ERICH6B: variants seen among roughly 807,000 people sequenced by gnomAD.
ERICH6B encodes the protein glutamate-rich protein 6B.
In ERICH6B, 69 loss-of-function variants were observed where a neutral mutation model predicts 80.0. The observed-to-expected ratio is 0.86, with a 90% CI of 0.71 to 1.05. The LOEUF is 1.05. ERICH6B is among the 50% of genes least tolerant of loss of function. The pLI is 0.00. For synonymous variants in ERICH6B, 283 were observed against 291.9 expected (o/e 0.97, Z 0.31); for missense variants, 754 against 796.1 (o/e 0.95, Z 0.64).
chr13:45,590,844 C>G (rs1425092872), intron 3 of ERICH6B, 147 bp from the exon 4 acceptor site: 8 of 597,808 alleles, frequency 1.3e-5, no homozygotes, highest in Non-Finnish European at 1.9e-5. Context: ...TTAATGGTTT[C>G]CTTTAAAAAT....
intron 14 of ERICH6B, among the ~76,000 whole-genome samples, chr13:45,543,291 G>T (rs1873861575): frequency 6.6e-6 from 1 of 152,164 alleles, no homozygotes; most frequent in South Asian, 2.1e-4. Context: ...AGCTCTGGGG[G>T]TCCAGCCTCA....
chr13:45,574,768 G>A (rs1875309064), intron 8 of ERICH6B, 74 bp downstream of exon 8: 11 of 1,173,310 alleles, frequency 9.4e-6, no homozygotes, highest in Non-Finnish European at 1.4e-5. Context: ...CAGCCAGCTT[G>A]CCTGGGCTAG....
At chr13:45,568,548 T>A in intron 8 of ERICH6B, 97 bp from the exon 9 acceptor site, 1 of 1,171,572 alleles carries the variant, frequency 8.5e-7, no homozygotes, top group Non-Finnish European at 1.2e-6. Context: ...GTGTGACACT[T>A]CAACATATTA....
intron 1 of ERICH6B, among the ~76,000 whole-genome samples, chr13:45,612,475 A>G (rs374222890): frequency 6.6e-6 from 1 of 152,214 alleles, no homozygotes; most frequent in African/African-American, 2.4e-5. Context: ...GTAAGGGGAG[A>G]TGATGGGGAG....
chr13:45,571,755 C>T (rs1290211974), intron 8 of ERICH6B, among the ~76,000 whole-genome samples: 1 of 152,144 alleles, frequency 6.6e-6, no homozygotes, highest in Non-Finnish European at 1.5e-5. Flanking sequence ...TCAGGGTGGG[C>T]TCTAATCCAG....
At chr13:45,611,570 C>A (rs964845680) in intron 1 of ERICH6B, among the ~76,000 whole-genome samples, 1 of 152,170 alleles carries the variant, frequency 6.6e-6, no homozygotes, top group African/African-American at 2.4e-5. Flanking sequence ...GCATCTAGAG[C>A]TTTCACTACC....
intron 9 of ERICH6B, among the ~76,000 whole-genome samples, chr13:45,566,539 G>T (rs904815242): frequency 1.3e-4 from 20 of 152,240 alleles, no homozygotes; most frequent in Admixed American, 5.2e-4. Flanking sequence ...TAGCTGAAAG[G>T]GGCCAACATA....
intron 13 of ERICH6B, 74 bp from the exon 14 acceptor site, chr13:45,545,059 C>G (rs1357068374): frequency 8.1e-7 from 1 of 1,227,606 alleles, no homozygotes. Flanking sequence ...TTCTCCTTCC[C>G]TTTCTTTTCC....
chr13:45,559,915 T>C (rs1218382246), intron 11 of ERICH6B, among the ~76,000 whole-genome samples: 1 of 152,244 alleles, frequency 6.6e-6, no homozygotes, highest in Admixed American at 6.5e-5. Flanking sequence ...GTCCATTTGT[T>C]CCAAGGTATA....
intron 4 of ERICH6B, among the ~76,000 whole-genome samples, chr13:45,589,707 T>A (rs1245226081): frequency 1.3e-5 from 2 of 152,202 alleles, no homozygotes; most frequent in East Asian, 3.8e-4. Context: ...GGTGGTCACG[T>A]CACTGTCAGG....
At chr13:45,588,639 A>T (rs1384114348) in intron 4 of ERICH6B, among the ~76,000 whole-genome samples, 1 of 152,238 alleles carries the variant, frequency 6.6e-6, no homozygotes, top group Non-Finnish European at 1.5e-5. Flanking sequence ...AGAAAAGTCA[A>T]ATCTGCCAAA....
At position 45,544,895 on chromosome 13, in the gene ERICH6B, G is replaced by A. The variant is rs41292935; in HGVS notation, c.1737C>T (p.His579=). 64 of 1,551,582 alleles carry A rather than the reference G, an allele frequency of 4.1e-5. No homozygotes were observed. The highest frequency in any genetic ancestry group is 1.6e-4 in the African/African-American group (12 of 73,032). ...WNWWNLNIHV[H]APPVQPISLK... is the part of the protein sequence containing the mutation. Reference sequence around the variant, plus strand: ...AGGAGATGGGCTGGACAGGGGGTGCGTGGACATGGATGTTCAGATTCCACC... The same window carrying A: ...AGGAGATGGGCTGGACAGGGGGTGCATGGACATGGATGTTCAGATTCCACC... Residue 579 remains histidine (H), a synonymous_variant, in exon 14 of 15, where the codon CAC becomes CAT. Transcript: ENST00000298738.
At chr13:45,585,209 C>A (rs564852083) in intron 5 of ERICH6B, among the ~76,000 whole-genome samples, 3 of 152,174 alleles carry the variant, frequency 2.0e-5, no homozygotes, top group Non-Finnish European at 4.4e-5. Context: ...TTTTCCCTCT[C>A]TCAGCAGGGC....
At chr13:45,600,538 T>G (rs1019897823) in intron 2 of ERICH6B, among the ~76,000 whole-genome samples, 4 of 152,178 alleles carry the variant, frequency 2.6e-5, no homozygotes, top group Non-Finnish European at 5.9e-5. Flanking sequence ...GCTCCCTTAC[T>G]CTTTTGAGTC....
At chr13:45,595,563 A>C (rs1483166637) in intron 3 of ERICH6B, among the ~76,000 whole-genome samples, 1 of 152,004 alleles carries the variant, frequency 6.6e-6, no homozygotes, top group Non-Finnish European at 1.5e-5. Context: ...AGTCTGGGGA[A>C]GATATAATCA....
At chr13:45,614,160 G>A (rs939807924) in intron 1 of ERICH6B, among the ~76,000 whole-genome samples, 9 of 152,084 alleles carry the variant, frequency 5.9e-5, no homozygotes, top group African/African-American at 1.9e-4. Flanking sequence ...TATTTCTGAC[G>A]GCTCCTCCAG....
intron 8 of ERICH6B, among the ~76,000 whole-genome samples, chr13:45,573,730 CAT>C (rs1409608522): frequency 2.0e-5 from 3 of 152,296 alleles, no homozygotes; most frequent in African/African-American, 7.2e-5. Context: ...AGAACACACA[CAT>C]GGAAGATGTG....
intron 2 of ERICH6B, among the ~76,000 whole-genome samples, chr13:45,597,886 C>T (rs1318424084): frequency 6.6e-6 from 1 of 152,140 alleles, no homozygotes; most frequent in Non-Finnish European, 1.5e-5. Flanking sequence ...CACTGTGGCC[C>T]ACTGTGATTC....
chr13:45,612,307 G>A (rs913053564), intron 1 of ERICH6B, among the ~76,000 whole-genome samples: 1 of 152,166 alleles, frequency 6.6e-6, no homozygotes, highest in African/African-American at 2.4e-5. Flanking sequence ...AGGCACTGGG[G>A]CCACAAGGTT....
Sources: gnomAD v4.1 joint callset for allele counts (sites outside exome capture counted in the v4.1 genomes callset) on GRCh38, gnomAD v4.1.1 for gene constraint, MANE v1.5 for transcripts, NCBI Gene and HGNC (gene_info 2026-07-23, HGNC 2026-07-21) for gene names.